Variants in FARP1 observed in about 807,000 individuals in gnomAD.
FARP1 encodes the protein FERM, ARHGEF and pleckstrin domain-containing protein 1.
Under a neutral mutation model 128.8 loss-of-function variants are expected in FARP1, and 52 were observed. That is an observed-to-expected ratio of 0.40 (90% CI 0.32 to 0.51). FARP1 has a LOEUF of 0.51. Ranked by LOEUF, FARP1 falls within the 20% of genes least tolerant of loss-of-function variation. FARP1 has a pLI of 0.45. For synonymous variants in FARP1, 580 were observed against 551.8 expected, an observed-to-expected ratio of 1.05 and a Z score of -0.72; for missense variants, 1,333 against 1,367.9, an observed-to-expected ratio of 0.97 and a Z score of 0.40.
intron 6 of FARP1, 64 bp from the exon 7 acceptor site, chr13:98,384,666 G>A: frequency 1.0e-6 from 1 of 981,628 alleles, no homozygotes; most frequent in Non-Finnish European, 1.6e-6. Flanking sequence ...GCTCACTGGG[G>A]AATATTGACA....
intron 2 of FARP1, among the ~76,000 whole-genome samples, chr13:98,291,557 A>T (rs1885445871): frequency 6.6e-6 from 1 of 152,174 alleles, no homozygotes; most frequent in African/African-American, 2.4e-5. Context: ...TTGGATTCCA[A>T]ACCTGCAAAG....
intron 17 of FARP1, among the ~76,000 whole-genome samples, chr13:98,427,783 G>C (rs1891843659): frequency 6.6e-6 from 1 of 152,200 alleles, no homozygotes; most frequent in African/African-American, 2.4e-5. Flanking sequence ...TGCTGTGCTG[G>C]CATCTCAGGA....
chr13:98,396,850 A>G (rs1483276966), intron 13 of FARP1: 6 of 172,040 alleles, frequency 3.5e-5, no homozygotes, highest in Middle Eastern at 2.4e-3. Context: ...TGTATGTTCA[A>G]TTATGCAGCT....
At chr13:98,313,014 C>T (rs190118820) in intron 2 of FARP1, among the ~76,000 whole-genome samples, 1 of 152,066 alleles carries the variant, frequency 6.6e-6, no homozygotes, top group Admixed American at 6.6e-5. Context: ...AGTCCTAAGC[C>T]CTGTGAATGT....
chr13:98,406,206 T>C (rs1287785272), intron 13 of FARP1: 3 of 152,194 alleles, frequency 2.0e-5, no homozygotes. Flanking sequence ...ATTCTACTAA[T>C]TGCCCCCTTG....
Position 98,446,785 on chromosome 13 carries a change from C to T in FARP1, c.3024C>T (p.Tyr1008=). ...FKLHFKSHVY[Y]FRAESEYTFE... Reference sequence around the variant, plus strand: ...TGCACTTCAAGTCCCACGTCTACTACTTCAGGGCGGAAAGCGAGTACACGT... The same window carrying T: ...TGCACTTCAAGTCCCACGTCTACTATTTCAGGGCGGAAAGCGAGTACACGT... The change falls in exon 26 of 27, where the codon TAC becomes TAT. Residue 1008 remains tyrosine (Y), a synonymous_variant. Transcript: ENST00000319562. The T allele has an allele frequency of 6.2e-7, 1 of 1,614,194 alleles. No homozygotes were observed. Among genetic ancestry groups the T allele is most frequent in the Non-Finnish European group, 8.5e-7 (1 of 1,180,030 alleles).
intron 1 of FARP1, among the ~76,000 whole-genome samples, chr13:98,200,390 C>CT (rs922505750): frequency 1.8e-5 from 1 of 55,682 alleles, no homozygotes; most frequent in Non-Finnish European, 5.1e-5. Flanking sequence ...AACCTTCACC[C>CT]CCCCCCCCTC....
At chr13:98,142,915 G>C (rs887730388), upstream of FARP1, 30 of 151,626 alleles carry the variant, frequency 2.0e-4, no homozygotes, top group African/African-American at 6.5e-4. Context: ...CGCTGGGCTC[G>C]GGAGGCCCCT....
In FARP1 at chr13:98,171,806, A is replaced by G. The variant is rs535466981; in HGVS notation, c.-24+28314A>G. Among the ~76,000 whole-genome samples, 3 of 152,342 alleles carry G rather than the reference A, an allele frequency of 2.0e-5. No homozygotes were observed. The East Asian group carries it at 5.8e-4, about 29-fold the overall frequency. On this transcript the variant is annotated intron_variant, in intron 1 of 26. Transcript: ENST00000319562. ...AAGTCCTCCTCCCCACCAATGAGGT[A>G]GCCTCTGAACTCGTCTGAGAGTGTG...
intron 2 of FARP1, among the ~76,000 whole-genome samples, chr13:98,281,680 A>G (rs773246704): frequency 6.6e-6 from 1 of 152,216 alleles, no homozygotes; most frequent in South Asian, 2.1e-4. Flanking sequence ...AATCTGCTCC[A>G]TGGTCAACAT....
At chr13:98,144,917 TTC>T (rs760850576) in intron 1 of FARP1, among the ~76,000 whole-genome samples, 2 of 152,216 alleles carry the variant, frequency 1.3e-5, no homozygotes, top group Admixed American at 6.5e-5. Flanking sequence ...ATGTGACAGT[TTC>T]TGACAGTGTG....
intron 2 of FARP1, among the ~76,000 whole-genome samples, chr13:98,309,327 C>G (rs632338): frequency 6.7e-6 from 1 of 148,958 alleles, no homozygotes; most frequent in Non-Finnish European, 1.5e-5. Context: ...CCATCACGCC[C>G]GGCTATTTTT....
chr13:98,392,950 C>T (rs1890369215), intron 11 of FARP1, among the ~76,000 whole-genome samples: 1 of 152,000 alleles, frequency 6.6e-6, no homozygotes, highest in African/African-American at 2.4e-5. Flanking sequence ...ATCTCTAGAG[C>T]TTTTCTGTGC....
intron 2 of FARP1, among the ~76,000 whole-genome samples, chr13:98,274,152 T>A (rs1435863427): frequency 6.6e-6 from 1 of 152,196 alleles, no homozygotes; most frequent in Admixed American, 6.5e-5. Flanking sequence ...CCTATTCAGA[T>A]GTACCTGTAG....
intron 2 of FARP1, among the ~76,000 whole-genome samples, chr13:98,214,837 G>C (rs6491405): frequency 0.55 from 83,067 of 151,952 alleles, 24,516 homozygotes; most frequent in African/African-American, 0.78. Context: ...CCCCTGCCAT[G>C]CAGTTAGAAT....
At chr13:98,194,920 A>G (rs1879476542) in intron 1 of FARP1, among the ~76,000 whole-genome samples, 1 of 152,184 alleles carries the variant, frequency 6.6e-6, no homozygotes, top group Non-Finnish European at 1.5e-5. Context: ...TTTTCTGCAG[A>G]GTTTTTATTC....
chr13:98,262,329 T>G lies in FARP1; in HGVS notation c.171+48916T>G, dbSNP rs565795974. On this transcript the variant is annotated intron_variant, in intron 2 of 26. Transcript: ENST00000319562. ...AGCCACTATGCCTGGCAATACTGCA[T>G]TCTTTTATTTGCCGACTTTTCTTCT... 3.6e-4 allele frequency among the ~76,000 whole-genome samples: 55 copies of G among 152,198 alleles called. No individual in the cohort carries two copies. The South Asian group carries it at 0.011, about 32-fold the overall frequency.
chr13:98,198,280 C>T (rs1879703807), intron 1 of FARP1, among the ~76,000 whole-genome samples: 1 of 152,178 alleles, frequency 6.6e-6, no homozygotes, highest in Non-Finnish European at 1.5e-5. Context: ...GTAGAGGTAA[C>T]ATCTACTTGC....
At chr13:98,308,705 GCTGGC>G (rs1420871967) in intron 2 of FARP1, among the ~76,000 whole-genome samples, 3 of 152,152 alleles carry the variant, frequency 2.0e-5, no homozygotes, top group Non-Finnish European at 4.4e-5. Flanking sequence ...GTCTCACTCT[GCTGGC>G]CAGGCTGGAG....
Sources: gnomAD v4.1 joint callset for allele counts (sites outside exome capture counted in the v4.1 genomes callset) on GRCh38, gnomAD v4.1.1 for gene constraint, MANE v1.5 for transcripts, NCBI Gene and HGNC (gene_info 2026-07-23, HGNC 2026-07-21) for gene names.